CALN1: variants seen among roughly 807,000 people sequenced by gnomAD.
CALN1 encodes calneuron 1.
A neutral mutation model predicts 30.6 loss-of-function variants in CALN1; 17 were observed. The ratio of observed to expected loss-of-function variants is 0.56; its 90% CI spans 0.38 to 0.83. The LOEUF (loss-of-function observed/expected upper bound fraction) is 0.83. CALN1 is among the 40% of genes least tolerant of loss of function. The probability of loss-of-function intolerance (pLI) is 0.00; values close to 1 mark genes in which losing one functional copy is unlikely to be tolerated. For synonymous variants in CALN1, 156 were observed against 131.4 expected, an observed-to-expected ratio of 1.19 and a Z score of -1.28; for missense variants, 291 against 354.9, an observed-to-expected ratio of 0.82 and a Z score of 1.45.
At chr7:72,501,392 AAAAAAGACAAAG>A in the CALN1 span, among the ~76,000 whole-genome samples, 1 of 140,150 alleles carries the variant, frequency 7.1e-6, no homozygotes, top group Non-Finnish European at 1.6e-5. Context: ...AAAAAAAAAA[AAAAAAGACAAAG>A]AAAAAGAGAA....
intron 1 of CALN1, among the ~76,000 whole-genome samples, chr7:72,422,414 C>A (rs183559796): frequency 1.3e-5 from 2 of 152,274 alleles, no homozygotes; most frequent in African/African-American, 4.8e-5. Context: ...CACAAGCCCC[C>A]CTGGCTGTTT....
intron 2 of CALN1, among the ~76,000 whole-genome samples, chr7:72,398,664 A>T (rs946307089): frequency 6.6e-6 from 1 of 152,198 alleles, no homozygotes; most frequent in Non-Finnish European, 1.5e-5. Flanking sequence ...AAGAGCTCCC[A>T]ATCTCATAGT....
chr7:71,819,552 TCATA>T (rs1206646901), intron 5 of CALN1, among the ~76,000 whole-genome samples: 1 of 152,186 alleles, frequency 6.6e-6, no homozygotes, highest in Non-Finnish European at 1.5e-5. Context: ...TTTCACAGTG[TCATA>T]CAAACACCAC....
At chr7:72,288,786 CCTT>C (rs1798273939) in intron 2 of CALN1, among the ~76,000 whole-genome samples, 1 of 152,058 alleles carries the variant, frequency 6.6e-6, no homozygotes, top group Non-Finnish European at 1.5e-5. Flanking sequence ...ACTGCTTTGT[CCTT>C]CTATGTTATT....
intron 4 of CALN1, 75 bp downstream of exon 4, chr7:72,106,076 C>T (rs1427809324): frequency 1.7e-5 from 26 of 1,543,858 alleles, no homozygotes; most frequent in Middle Eastern, 4.3e-4. Flanking sequence ...AAGTGCAAGG[C>T]CCTGCATAAA....
chr7:72,342,203 G>C (rs1243045327), intron 2 of CALN1, among the ~76,000 whole-genome samples: 1 of 146,484 alleles, frequency 6.8e-6, no homozygotes. Flanking sequence ...AGATTACAGT[G>C]AACTGTGGTC....
intron 4 of CALN1, among the ~76,000 whole-genome samples, chr7:72,052,890 G>GAGGCCA (rs1372530452): frequency 2.1e-5 from 3 of 141,094 alleles, no homozygotes; most frequent in African/African-American, 7.4e-5. Context: ...AGCACTTTGG[G>GAGGCCA]AGGCCAAGGC....
At chr7:71,788,102 TG>T (rs968281998) in intron 6 of CALN1, among the ~76,000 whole-genome samples, 200 bp from the exon 7 acceptor site, 1 of 152,190 alleles carries the variant, frequency 6.6e-6, no homozygotes, top group African/African-American at 2.4e-5. Context: ...AAATGCCTTC[TG>T]GTGAAAGGTA....
chr7:72,255,513 C>A (rs1397309531), intron 3 of CALN1, among the ~76,000 whole-genome samples: 2 of 151,504 alleles, frequency 1.3e-5, no homozygotes, highest in Non-Finnish European at 2.9e-5. Flanking sequence ...TTCCTGGGTT[C>A]AAGTGATTCT....
intron 5 of CALN1, among the ~76,000 whole-genome samples, chr7:71,814,480 A>G (rs1788145081): frequency 6.6e-6 from 1 of 152,114 alleles, no homozygotes; most frequent in Non-Finnish European, 1.5e-5. Flanking sequence ...AGCTGAAGAG[A>G]GGGAAATGAA....
chr7:72,394,813 A>C (rs7779494), intron 2 of CALN1, among the ~76,000 whole-genome samples: 90,374 of 151,542 alleles, frequency 0.6, 28,991 homozygotes, highest in African/African-American at 0.84. Flanking sequence ...AAGGGTACCA[A>C]CATGCCCGTT....
chr7:72,137,006 A>G (rs1809556956), intron 3 of CALN1, among the ~76,000 whole-genome samples: 1 of 152,248 alleles, frequency 6.6e-6, no homozygotes, highest in African/African-American at 2.4e-5. Flanking sequence ...AGTTAAGGAC[A>G]GGTTTATTTT....
Position 72,395,357 on chromosome 7 carries a change from G to GCA in CALN1, c.119+7893_119+7894insTG, listed in dbSNP as rs368564724. On this transcript the variant is annotated intron_variant, in intron 2 of 6. Coordinates refer to ENST00000395275, the MANE Select transcript of CALN1 (RefSeq NM_031468.4). ...ATACACACACACGCTGCGCACGCGC[G>GCA]CGCACACACACACACACACATATCC... is the stretch of plus-strand genomic sequence containing the variant. Among the ~76,000 whole-genome samples the GCA allele has an allele frequency of 1.9e-3, 287 of 150,284 alleles. 1 individual carries two copies. The highest frequency in any genetic ancestry group is 1.9e-3 in the African/African-American group (77 of 41,220).
At chr7:71,806,431 C>T (rs1256942452) in intron 6 of CALN1, among the ~76,000 whole-genome samples, 3 of 151,924 alleles carry the variant, frequency 2.0e-5, no homozygotes, top group East Asian at 1.9e-4. Flanking sequence ...CTCAGCCTCC[C>T]GAGTAGCTGG....
At chr7:71,840,982 T>C (rs189354976) in intron 5 of CALN1, among the ~76,000 whole-genome samples, 54 of 151,942 alleles carry the variant, frequency 3.6e-4, no homozygotes, top group African/African-American at 1.3e-3. Flanking sequence ...TTTTTAAAGG[T>C]AAAGAGTCAG....
intron 4 of CALN1, among the ~76,000 whole-genome samples, chr7:72,068,248 A>G (rs1804158854): frequency 6.6e-6 from 1 of 152,244 alleles, no homozygotes; most frequent in African/African-American, 2.4e-5. Context: ...AATTATATAC[A>G]TACACTATTT....
intron 2 of CALN1, among the ~76,000 whole-genome samples, chr7:72,388,199 A>C (rs971021900): frequency 1.3e-5 from 2 of 152,172 alleles, no homozygotes; most frequent in African/African-American, 4.8e-5. Context: ...CACAATCCAC[A>C]AACGTGTAAC....
At chr7:71,789,275 G>A (rs1793174779) in intron 6 of CALN1, among the ~76,000 whole-genome samples, 1 of 152,158 alleles carries the variant, frequency 6.6e-6, no homozygotes, top group South Asian at 2.1e-4. Flanking sequence ...AAATTAGCTG[G>A]GTATGGTGGC....
chr7:72,464,101 A>AAAGAAAGGAGGGAGG, the CALN1 span, among the ~76,000 whole-genome samples: 1 of 151,280 alleles, frequency 6.6e-6, no homozygotes, highest in African/African-American at 2.4e-5. Flanking sequence ...AGAAAGAAAG[A>AAAGAAAGGAGGGAGG]GAGAGAAGAA....
Sources: allele counts gnomAD v4.1 joint callset (sites outside exome capture counted in the v4.1 genomes callset), GRCh38; gene constraint gnomAD v4.1.1; transcripts MANE v1.5; gene names NCBI Gene and HGNC (gene_info 2026-07-23, HGNC 2026-07-21).